WIPF1: variants seen among roughly 807,000 people sequenced by gnomAD.
WIPF1 encodes WAS/WASL-interacting protein family member 1.
In WIPF1, 13 loss-of-function variants were observed where a neutral mutation model predicts 35.4. The ratio of observed to expected loss-of-function variants is 0.37; its 90% CI spans 0.24 to 0.58. The LOEUF (loss-of-function observed/expected upper bound fraction) is 0.58, where lower values mean the gene tolerates loss of function less well. Ranked by LOEUF, WIPF1 falls within the 20% of genes least tolerant of loss-of-function variation. The probability of loss-of-function intolerance (pLI) is 0.74; values close to 1 mark genes in which losing one functional copy is unlikely to be tolerated. For synonymous variants in WIPF1, 267 were observed against 266.3 expected, an observed-to-expected ratio of 1.00 and a Z score of -0.02; for missense variants, 591 against 667.0, an observed-to-expected ratio of 0.89 and a Z score of 1.25.
chr2:174,676,120 T>C (rs1452446371), intron 1 of WIPF1, among the ~76,000 whole-genome samples: 1 of 151,172 alleles, frequency 6.6e-6, no homozygotes, highest in Non-Finnish European at 1.5e-5. Context: ...TGGCTTTTTT[T>C]TTTTTCTTTT....
chr2:174,602,001 T>A, upstream of WIPF1, among the ~76,000 whole-genome samples: 1 of 152,140 alleles, frequency 6.6e-6, no homozygotes, highest in Non-Finnish European at 1.5e-5. Context: ...GTGATGCGGA[T>A]GGGAGAGGTT....
chr2:174,621,022 G>A (rs558034990), intron 1 of WIPF1, among the ~76,000 whole-genome samples: 4 of 152,128 alleles, frequency 2.6e-5, no homozygotes, highest in African/African-American at 4.8e-5. Flanking sequence ...TTTGGACTTC[G>A]CCTGGAGGTG....
intron 1 of WIPF1, among the ~76,000 whole-genome samples, chr2:174,657,160 G>T (rs1212974841): frequency 6.6e-6 from 1 of 152,110 alleles, no homozygotes; most frequent in African/African-American, 2.4e-5. Context: ...TCTAATAATT[G>T]CTTTTCTTCC....
Position 174,571,749 on chromosome 2 carries a change from T to C in WIPF1, c.1056A>G (p.Gly352=). 1 of 1,614,068 alleles carries C rather than the reference T, an allele frequency of 6.2e-7. No individual in the cohort carries two copies. Among genetic ancestry groups the C allele is most frequent in the Non-Finnish European group, 8.5e-7 (1 of 1,180,014 alleles). ...GCGGGGGAGGAAGAGGACCTGAACG[T>C]CCTGGCGAAGGTAACGGGGGCGTGG... ...SSSTPPLPSP[G]RSGPLPPPPS... is the part of the protein sequence containing the mutation. Residue 352 remains glycine, a synonymous_variant, in exon 5 of 8, where the codon GGA becomes GGG. Transcript: ENST00000679041. The surrounding 1 kb of genome is among the most constrained non-coding windows in gnomAD (Gnocchi z 4.6).
intron 1 of WIPF1, among the ~76,000 whole-genome samples, chr2:174,679,197 G>A (rs1490661807): frequency 7.9e-5 from 12 of 152,144 alleles, no homozygotes; most frequent in Admixed American, 7.9e-4. Context: ...AGGGCTGGGT[G>A]CGGTGGCTCA....
At position 174,590,978 on chromosome 2, in the gene WIPF1, C is replaced by A. The variant is rs1685583439; in HGVS notation, c.-38-5367G>T. Among the ~76,000 whole-genome samples, 1 of 152,102 alleles carries A rather than the reference C, an allele frequency of 6.6e-6. No individual in the cohort carries two copies. The highest frequency in any genetic ancestry group is 2.1e-4 in the South Asian group (1 of 4,814). Reference sequence around the variant, plus strand: ...AAAAGTGATATGCTGAATTCCTGACCCTCAGGACCTCAGAAGGCAACTGTA... The same window carrying A: ...AAAAGTGATATGCTGAATTCCTGACACTCAGGACCTCAGAAGGCAACTGTA... On this transcript the variant is annotated intron_variant, in intron 1 of 7. Transcript: ENST00000679041. This position sits in a 1 kb window ranked among gnomAD's most constrained non-coding sequence, Gnocchi z 4.6.
chr2:174,600,912 C>CTT (rs1157973597), upstream of WIPF1, among the ~76,000 whole-genome samples: 1,206 of 65,440 alleles, frequency 0.018, 372 homozygotes, highest in African/African-American at 0.033. Context: ...CATAATGTTC[C>CTT]TTTTTTTTTT....
At chr2:174,626,607 G>C (rs1686841523) in intron 1 of WIPF1, among the ~76,000 whole-genome samples, 1 of 152,080 alleles carries the variant, frequency 6.6e-6, no homozygotes, top group Admixed American at 6.5e-5. Context: ...CAGTCTGATG[G>C]CATTTCTATT....
chr2:174,675,388 G>A (rs769092571), intron 1 of WIPF1, among the ~76,000 whole-genome samples: 6 of 151,606 alleles, frequency 4.0e-5, no homozygotes, highest in South Asian at 4.2e-4. Flanking sequence ...GACAGGTCTC[G>A]CTCTGTCATC....
intron 1 of WIPF1, among the ~76,000 whole-genome samples, chr2:174,603,432 G>A (rs1246412780): frequency 6.6e-6 from 1 of 152,226 alleles, no homozygotes; most frequent in Non-Finnish European, 1.5e-5. Flanking sequence ...GAAGGCTAGC[G>A]CAGGCTGGCC....
In WIPF1 at chr2:174,595,062, C is replaced by CTTG. The variant is rs1278209410; in HGVS notation, c.-39+2538_-39+2539insCAA. ...CCCAAGAGTTTGAGACCATCCTGGG[C>CTTG]AAACATAGTGGGACCCTCATCTCTA... On this transcript the variant is annotated intron_variant, in intron 1 of 7. Coordinates refer to ENST00000679041, the MANE Select transcript of WIPF1 (RefSeq NM_001375834.1). 1.5e-4 allele frequency among the ~76,000 whole-genome samples: 16 copies of CTTG among 103,282 alleles called. 1 individual carries two copies. In the East Asian group the frequency reaches 4.5e-3, roughly 29 times the overall value. The allele number at this position is 103,282 out of a possible 152,430, so 67.8% of individuals were successfully genotyped here.
chr2:174,609,158 G>A (rs1233019571), intron 1 of WIPF1, among the ~76,000 whole-genome samples: 1 of 152,216 alleles, frequency 6.6e-6, no homozygotes, highest in African/African-American at 2.4e-5. Context: ...CAGATGATCT[G>A]CAATGTACCA....
intron 1 of WIPF1, among the ~76,000 whole-genome samples, chr2:174,659,878 G>A (rs1276948372): frequency 2.0e-5 from 3 of 152,090 alleles, no homozygotes; most frequent in Non-Finnish European, 2.9e-5. Context: ...CCTTTCCACC[G>A]TGGCCTGGGA....
chr2:174,575,382 T>G lies in WIPF1; in HGVS notation c.182-2A>C. 6.2e-7 allele frequency: 1 copy of G among 1,606,306 alleles called. No homozygotes were observed. The highest frequency in any genetic ancestry group is 8.5e-7 in the Non-Finnish European group (1 of 1,175,880). ...CTCCAGCACCAGCTCCTTTAGGTTC[T>G]GTAGAAGAAGAGACACCCGACAGAC... On this transcript the variant is annotated splice_acceptor_variant, in intron 3 of 7. Coordinates refer to ENST00000679041, the MANE Select transcript of WIPF1 (RefSeq NM_001375834.1). LOFTEE classifies it high-confidence loss of function.
At chr2:174,652,132 A>G (rs1293810107) in intron 1 of WIPF1, among the ~76,000 whole-genome samples, 1 of 152,216 alleles carries the variant, frequency 6.6e-6, no homozygotes, top group Non-Finnish European at 1.5e-5. Flanking sequence ...GAAGTTACAC[A>G]GGGTCATTTC....
At chr2:174,678,017 T>C (rs1264605617) in intron 1 of WIPF1, among the ~76,000 whole-genome samples, 2 of 152,086 alleles carry the variant, frequency 1.3e-5, no homozygotes, top group East Asian at 3.8e-4. Context: ...AACTTACCTC[T>C]CAGGGTAAGT....
At chr2:174,568,469 G>T (rs1427187838) in intron 5 of WIPF1, 1 of 160,426 alleles carries the variant, frequency 6.2e-6, no homozygotes, top group African/African-American at 2.4e-5. Context: ...AAAAGAATAA[G>T]ATAGTTATGA....
chr2:174,661,645 T>G (rs1687761254), intron 1 of WIPF1, among the ~76,000 whole-genome samples: 1 of 152,208 alleles, frequency 6.6e-6, no homozygotes, highest in African/African-American at 2.4e-5. Context: ...TTAATTTACC[T>G]GCATAAGCAT....
intron 1 of WIPF1, among the ~76,000 whole-genome samples, chr2:174,661,873 G>C (rs905459178): frequency 3.3e-5 from 5 of 152,166 alleles, no homozygotes; most frequent in African/African-American, 9.7e-5. Context: ...TGGTGTCTGG[G>C]GGGGTGTGGC....
Sources: gnomAD v4.1 joint callset for allele counts (sites outside exome capture counted in the v4.1 genomes callset) on GRCh38, gnomAD v4.1.1 for gene constraint, Gnocchi (gnomAD v3.1) non-coding constraint, MANE v1.5 for transcripts, NCBI Gene and HGNC (gene_info 2026-07-23, HGNC 2026-07-21) for gene names.